The following SHROOM3 variants were observed in gnomAD, a reference collection of about 807,000 sequenced individuals.
SHROOM3 encodes protein Shroom3.
SHROOM3 carries 47 observed loss-of-function variants against 138.6 expected under a neutral mutation model. That is an observed-to-expected ratio of 0.34 (90% CI 0.27 to 0.43). The LOEUF (loss-of-function observed/expected upper bound fraction) is 0.43, where lower values mean the gene tolerates loss of function less well. SHROOM3 is among the 20% of genes least tolerant of loss of function. SHROOM3 has a pLI of 1.00. For synonymous variants in SHROOM3, 1,062 were observed against 1,063.3 expected (o/e 1.00, Z 0.02); for missense variants, 2,491 against 2,596.5 (o/e 0.96, Z 0.88).
chr4:76,516,329 C>T (rs1732444707), intron 1 of SHROOM3, among the ~76,000 whole-genome samples: 1 of 152,152 alleles, frequency 6.6e-6, no homozygotes, highest in Admixed American at 6.5e-5. Flanking sequence ...TCCATCCTTC[C>T]AACTAGGAAA....
In SHROOM3 at chr4:76,555,759, C is replaced by A. The variant is rs747862563; in HGVS notation, c.319C>A (p.Arg107Ser). Residue 107 changes from arginine (R) to serine (S), a missense_variant, in exon 2 of 11, where the codon CGC becomes AGC. By Grantham distance (110) the Arg-to-Ser change is moderately radical. Around this residue, in one of 4 missense-constraint regions of SHROOM3, gnomAD observed 284 missense variants for 322.8 expected, o/e 0.88. Transcript: ENST00000296043. ...GSYKTLRLVV[R>S]RDVCTDPGHA... ...CTACAAGACCCTCAGGCTGGTAGTG[C>A]GCAGGTAGGTGGCAGACCCCCACCC... The A allele has an allele frequency of 6.2e-7, 1 of 1,612,508 alleles. No homozygotes were observed. The highest frequency in any genetic ancestry group is 1.3e-5 in the African/African-American group (1 of 74,914).
chr4:76,485,798 G>C (rs28682543), intron 1 of SHROOM3, among the ~76,000 whole-genome samples: 1 of 152,158 alleles, frequency 6.6e-6, no homozygotes, highest in Admixed American at 6.5e-5. Context: ...AGTAGATACA[G>C]GGATGTTTCC....
At chr4:76,657,508 C>T (rs991631603) in intron 2 of SHROOM3, among the ~76,000 whole-genome samples, 2 of 152,170 alleles carry the variant, frequency 1.3e-5, no homozygotes, top group African/African-American at 4.8e-5. Flanking sequence ...AATATGCCTG[C>T]TCATTACTAG....
At chr4:76,699,152 G>A (rs990991051) in intron 2 of SHROOM3, among the ~76,000 whole-genome samples, 4 of 152,208 alleles carry the variant, frequency 2.6e-5, no homozygotes, top group African/African-American at 7.2e-5. Flanking sequence ...GGTTCAGAGA[G>A]AATAGTGGCC....
chr4:76,734,682 T>G (rs1720982264), intron 4 of SHROOM3, among the ~76,000 whole-genome samples: 1 of 152,144 alleles, frequency 6.6e-6, no homozygotes, highest in Non-Finnish European at 1.5e-5. Flanking sequence ...GGTAGATACC[T>G]GTGTTTAAAA....
intron 2 of SHROOM3, among the ~76,000 whole-genome samples, chr4:76,629,609 G>C (rs927414168): frequency 1.3e-5 from 2 of 152,200 alleles, no homozygotes; most frequent in African/African-American, 4.8e-5. Flanking sequence ...TGGTGACTTG[G>C]ACCTGGATCA....
intron 2 of SHROOM3, among the ~76,000 whole-genome samples, chr4:76,635,677 C>T (rs955888323): frequency 1.4e-4 from 22 of 152,182 alleles, no homozygotes; most frequent in African/African-American, 4.6e-4. Context: ...TGGAGTCACT[C>T]CTGGGAATCC....
intron 9 of SHROOM3, 74 bp downstream of exon 9, chr4:76,759,769 G>T: frequency 1.3e-6 from 2 of 1,547,688 alleles, no homozygotes; most frequent in South Asian, 2.4e-5. Context: ...TCAGCGTGGT[G>T]ACTGGGCCTC....
At chr4:76,550,543 TA>T (rs1156386331) in intron 1 of SHROOM3, among the ~76,000 whole-genome samples, 1 of 152,204 alleles carries the variant, frequency 6.6e-6, no homozygotes, top group Non-Finnish European at 1.5e-5. Flanking sequence ...ATGGGCCTTC[TA>T]CAAAAGATCA....
intron 2 of SHROOM3, among the ~76,000 whole-genome samples, chr4:76,596,501 G>T (rs539811997): frequency 6.6e-6 from 1 of 151,402 alleles, no homozygotes; most frequent in Non-Finnish European, 1.5e-5. Flanking sequence ...GCCTAATCAG[G>T]CATTTCTGGT....
chr4:76,724,451 ACTCT>A (rs897975442), intron 3 of SHROOM3, among the ~76,000 whole-genome samples: 29 of 152,088 alleles, frequency 1.9e-4, no homozygotes, highest in African/African-American at 5.8e-4. Flanking sequence ...TTTTTTTTTA[ACTCT>A]CAAGCTACAG....
chr4:76,471,427 A>G (rs1426884175), intron 1 of SHROOM3, among the ~76,000 whole-genome samples: 1 of 152,038 alleles, frequency 6.6e-6, no homozygotes, highest in Non-Finnish European at 1.5e-5. Context: ...GATTTTTAGT[A>G]GAGATGGGTT....
At chr4:76,671,242 C>A (rs1390110891) in intron 2 of SHROOM3, among the ~76,000 whole-genome samples, 1 of 152,220 alleles carries the variant, frequency 6.6e-6, no homozygotes, top group Non-Finnish European at 1.5e-5. Flanking sequence ...CACGACTGTG[C>A]CCTAACTGTT....
intron 1 of SHROOM3, among the ~76,000 whole-genome samples, chr4:76,443,061 T>C (rs1730730241): frequency 2.0e-5 from 3 of 152,226 alleles, no homozygotes; most frequent in South Asian, 4.1e-4. Flanking sequence ...ACATATGTAA[T>C]GTTTGGTAAA....
intron 1 of SHROOM3, among the ~76,000 whole-genome samples, chr4:76,522,670 C>A (rs947047373): frequency 2.6e-5 from 4 of 152,114 alleles, no homozygotes; most frequent in Non-Finnish European, 5.9e-5. Context: ...TGCCTGTAAT[C>A]CCAGCTACTC....
Position 76,755,121 on chromosome 4 carries a change from C to A in SHROOM3, c.4638C>A (p.Phe1546Leu). The A allele has an allele frequency of 6.3e-7, 1 of 1,596,364 alleles. No individual in the cohort carries two copies. Among genetic ancestry groups the A allele is most frequent in the Non-Finnish European group, 8.6e-7 (1 of 1,169,430 alleles). Residue 1546 changes from phenylalanine to leucine, a missense_variant, in exon 7 of 11, where the codon TTC becomes TTA. By Grantham distance (22) the Phe-to-Leu change is conservative (BLOSUM62 0). Around this residue, in one of 4 missense-constraint regions of SHROOM3, gnomAD observed 470 missense variants for 595.0 expected, o/e 0.79. Transcript: ENST00000296043. Reference protein sequence around the residue: ...QETPVYSMDDFPPPPPHTVCE... With the variant: ...QETPVYSMDDLPPPPPHTVCE... ...CCCCGGTGTATAGCATGGATGACTTCCCTCCACCTCCTCCCCACACTGTAT... is the reference window on the plus strand; with the variant it reads ...CCCCGGTGTATAGCATGGATGACTTACCTCCACCTCCTCCCCACACTGTAT...
rs6148528 is a variant in SHROOM3, at chr4:76,573,381, CAATAATAATAATAAT to C, written c.323+17652_323+17666del. Among the ~76,000 whole-genome samples the C allele has an allele frequency of 3.5e-3, 494 of 141,040 alleles. 3 individuals carry two copies. The highest frequency in any genetic ancestry group is 0.017 in the East Asian group (82 of 4,742). The allele number at this position is 141,040 out of a possible 152,430, so 92.5% of individuals were successfully genotyped here. ...TTACAAACCCACTTCTGCTGGTTGGCAATAATAATAATAATAATAATAATAATAATAATAATAATA... is the reference window on the plus strand; with the variant it reads ...TTACAAACCCACTTCTGCTGGTTGGCAATAATAATAATAATAATAATAATA... On this transcript the variant is annotated intron_variant, in intron 2 of 10. Coordinates refer to ENST00000296043, the MANE Select transcript of SHROOM3 (RefSeq NM_020859.4).
At chr4:76,706,658 C>G (rs919393730) in intron 2 of SHROOM3, among the ~76,000 whole-genome samples, 8 of 152,252 alleles carry the variant, frequency 5.3e-5, no homozygotes, top group East Asian at 1.9e-4. Flanking sequence ...AGAGGACCCA[C>G]GTAGTTCAAG....
intron 1 of SHROOM3, among the ~76,000 whole-genome samples, chr4:76,513,688 T>C (rs1165949482): frequency 6.6e-6 from 1 of 152,132 alleles, no homozygotes; most frequent in Non-Finnish European, 1.5e-5. Context: ...AACTGGGTAA[T>C]TGCGGCAGAA....
Sources: gnomAD v4.1 joint callset for allele counts (sites outside exome capture counted in the v4.1 genomes callset) on GRCh38, gnomAD v4.1.1 for gene constraint, gnomAD v4.1.1 regional missense constraint, MANE v1.5 for transcripts, NCBI Gene and HGNC (gene_info 2026-07-23, HGNC 2026-07-21) for gene names.